MYBPC2: variants seen among roughly 807,000 people sequenced by gnomAD.
The protein encoded by MYBPC2 is myosin binding protein C2.
Under a neutral mutation model 137.0 loss-of-function variants are expected in MYBPC2, and 122 were observed. The ratio of observed to expected loss-of-function variants is 0.89; its 90% confidence interval spans 0.77 to 1.03. MYBPC2 has a LOEUF of 1.03. MYBPC2 is among the 50% of genes least tolerant of loss of function. The pLI, the probability that MYBPC2 is intolerant of heterozygous loss-of-function variation, is 0.00. For missense variants in MYBPC2, 1,500 were observed against 1,534.4 expected (o/e 0.98, Z 0.37); for synonymous variants, 626 against 612.3 (o/e 1.02, Z -0.33).
At chr19:50,453,836 C>G (rs4802706) in intron 16 of MYBPC2, among the ~76,000 whole-genome samples, 184 bp from the exon 17 acceptor site, 113,060 of 151,990 alleles carry the variant, frequency 0.74, 43,038 homozygotes, top group African/African-American at 0.92. Context: ...CACTGCGCCC[C>G]GTCCAGTCTG....
At chr19:50,446,562 G>A (rs1241109790) in intron 12 of MYBPC2, among the ~76,000 whole-genome samples, 1 of 150,582 alleles carries the variant, frequency 6.6e-6, no homozygotes, top group African/African-American at 2.4e-5. Context: ...GCTCACACCT[G>A]TAATCCCAGC....
intron 12 of MYBPC2, 77 bp from the exon 13 acceptor site, chr19:50,448,148 G>C: frequency 6.7e-7 from 1 of 1,492,222 alleles, no homozygotes; most frequent in Admixed American, 2.2e-5. Context: ...CCAGCGCCTG[G>C]CACACAGTGG....
intron 8 of MYBPC2, among the ~76,000 whole-genome samples, chr19:50,441,562 G>A (rs1017958239): frequency 1.3e-5 from 2 of 152,162 alleles, no homozygotes; most frequent in African/African-American, 4.8e-5. Flanking sequence ...TTTTCAGGCT[G>A]GGTGCAGTGG....
chr19:50,452,605 T>C (rs1443077307), intron 16 of MYBPC2, among the ~76,000 whole-genome samples: 1 of 152,130 alleles, frequency 6.6e-6, no homozygotes, highest in Non-Finnish European at 1.5e-5. Flanking sequence ...TCACCCAGGC[T>C]GGAGTGCAGT....
chr19:50,437,459 T>C lies in MYBPC2; in HGVS notation c.464-14T>C, dbSNP rs2039713988. 1.2e-6 allele frequency: 2 copies of C among 1,608,496 alleles called. No individual in the cohort carries two copies. Among genetic ancestry groups the C allele is most frequent in the South Asian group, 2.2e-5 (2 of 89,742 alleles). ...CTCTAACTCACCTTCCCTTCTCTCA[T>C]CACCTCTCCCCAGCACCCCGTCAGG... On this transcript the variant is annotated splice_polypyrimidine_tract_variant and intron_variant, in intron 5 of 27. Transcript: ENST00000357701.
chr19:50,434,740 T>C (rs1419048932), intron 1 of MYBPC2, among the ~76,000 whole-genome samples: 1 of 152,162 alleles, frequency 6.6e-6, no homozygotes, highest in South Asian at 2.1e-4. Context: ...GTCCAGCCCC[T>C]ACTGTAGCTG....
intron 20 of MYBPC2, among the ~76,000 whole-genome samples, chr19:50,457,524 G>A (rs1053599017): frequency 4.6e-5 from 7 of 152,152 alleles, no homozygotes; most frequent in South Asian, 2.1e-4. Flanking sequence ...GCTTGAGAGC[G>A]TGCTGGAGTC....
intron 13 of MYBPC2, among the ~76,000 whole-genome samples, chr19:50,450,206 C>T (rs978506946): frequency 3.3e-5 from 5 of 152,104 alleles, no homozygotes; most frequent in African/African-American, 1.2e-4. Flanking sequence ...CACATCCTGA[C>T]ACTTACAGGG....
At chr19:50,456,857 T>C (rs1394302205) in intron 20 of MYBPC2, among the ~76,000 whole-genome samples, 1 of 152,170 alleles carries the variant, frequency 6.6e-6, no homozygotes, top group Admixed American at 6.6e-5. Flanking sequence ...TCTCTGCCTG[T>C]CCATCCATCA....
intron 16 of MYBPC2, among the ~76,000 whole-genome samples, chr19:50,452,999 A>G (rs2039874915): frequency 6.6e-6 from 1 of 152,054 alleles, no homozygotes; most frequent in Non-Finnish European, 1.5e-5. Flanking sequence ...CTCAACATCC[A>G]TCCATTTGCT....
In MYBPC2 at chr19:50,459,213, C is replaced by T. The variant is rs2039945124; in HGVS notation, c.2698C>T (p.Arg900Cys). ...CGACTTCGACACCGTGTTCTTCGTG[C>T]GCCAGGCGGCCCGCTCCGACTCCGG... Reference protein sequence around the residue: ...TSDFDTVFFVRQAARSDSGEY... With the variant: ...TSDFDTVFFVCQAARSDSGEY... Residue 900 changes from arginine to cysteine, a missense_variant, in exon 23 of 28, where the codon CGC (arginine) becomes TGC (cysteine). Coordinates refer to ENST00000357701, the MANE Select transcript of MYBPC2 (RefSeq NM_004533.4). 3 of 1,610,818 alleles carry T rather than the reference C, an allele frequency of 1.9e-6. No homozygotes were observed. Among genetic ancestry groups the T allele is most frequent in the Non-Finnish European group, 1.7e-6 (2 of 1,179,480 alleles).
intron 23 of MYBPC2, 58 bp downstream of exon 23, chr19:50,459,364 G>A (rs1046791151): frequency 3.0e-5 from 46 of 1,533,524 alleles, no homozygotes; most frequent in Non-Finnish European, 3.9e-5. Context: ...GGCAGCGATG[G>A]GGGAGGAGGT....
intron 13 of MYBPC2, among the ~76,000 whole-genome samples, chr19:50,450,140 G>A (rs551125340): frequency 6.6e-6 from 1 of 152,296 alleles, no homozygotes; most frequent in South Asian, 2.1e-4. Context: ...CTAGGTGACA[G>A]AGTGAGACTC....
chr19:50,442,279 T>C lies in MYBPC2; in HGVS notation c.868T>C (p.Phe290Leu). 6.2e-7 allele frequency: 1 copy of C among 1,608,102 alleles called. No individual in the cohort carries two copies. Among genetic ancestry groups the C allele is most frequent in the Non-Finnish European group, 8.5e-7 (1 of 1,177,454 alleles). ...ISDPDLTLKWFKNGQEIKPSS... is the reference protein window; with the variant it reads ...ISDPDLTLKWLKNGQEIKPSS... Reference sequence around the variant, plus strand: ...CGACCCAGACCTGACCCTCAAGTGGTTCAAGAACGGCCAGGAGATCAAACC... The same window carrying C: ...CGACCCAGACCTGACCCTCAAGTGGCTCAAGAACGGCCAGGAGATCAAACC... Residue 290 changes from phenylalanine (F) to leucine (L), a missense_variant, in exon 9 of 28, where the codon TTC becomes CTC. Physicochemically the swap from Phe to Leu is conservative, Grantham distance 22 (BLOSUM62 0). Transcript: ENST00000357701.
intron 7 of MYBPC2, among the ~76,000 whole-genome samples, chr19:50,439,836 G>A (rs2039735119): frequency 6.6e-6 from 1 of 152,244 alleles, no homozygotes. Context: ...GCCTGTGAGA[G>A]CCCAGAGCAC....
chr19:50,441,852 T>TAA (rs1194320584), intron 8 of MYBPC2, among the ~76,000 whole-genome samples: 3 of 146,718 alleles, frequency 2.0e-5, no homozygotes, highest in African/African-American at 7.8e-5. Flanking sequence ...AAAAATAAAA[T>TAA]AAAATAAAAA....
intron 11 of MYBPC2, among the ~76,000 whole-genome samples, chr19:50,444,647 G>A (rs1038395636): frequency 2.0e-5 from 3 of 152,000 alleles, no homozygotes; most frequent in East Asian, 1.9e-4. Flanking sequence ...TTGGGAGGCC[G>A]AGACGGGCGG....
chr19:50,461,478 C>T, intron 24 of MYBPC2, 64 bp from the exon 25 acceptor site: 1 of 1,512,610 alleles, frequency 6.6e-7, no homozygotes. Context: ...TCGTCTGTGT[C>T]TTGTGTGTAA....
At chr19:50,453,701 C>T (rs867558808) in intron 16 of MYBPC2, among the ~76,000 whole-genome samples, 10 of 151,992 alleles carry the variant, frequency 6.6e-5, no homozygotes, top group African/African-American at 2.4e-4. Context: ...CCACCAGGCC[C>T]GGCTAATTTT....
Sources: gnomAD v4.1 joint callset for allele counts (sites outside exome capture counted in the v4.1 genomes callset) on GRCh38, gnomAD v4.1.1 for gene constraint, MANE v1.5 for transcripts, NCBI Gene and HGNC (gene_info 2026-07-23, HGNC 2026-07-21) for gene names.